DLG2: variants seen among roughly 807,000 people sequenced by gnomAD.
DLG2 encodes discs large MAGUK scaffold protein 2.
In DLG2, 45 loss-of-function variants were observed where a neutral mutation model predicts 132.5. The observed-to-expected ratio is 0.34, with a 90% CI of 0.27 to 0.44. DLG2 has a LOEUF of 0.44. Among genes scored for constraint, DLG2 ranks in the 20% least tolerant of loss-of-function variants. The probability of loss-of-function intolerance (pLI) is 1.00; values close to 1 mark genes in which losing one functional copy is unlikely to be tolerated. For synonymous variants in DLG2, 424 were observed against 419.6 expected (o/e 1.01, Z -0.13); for missense variants, 1,045 against 1,196.9 (o/e 0.87, Z 1.87).
intron 7 of DLG2, among the ~76,000 whole-genome samples, chr11:84,497,477 C>CT (rs1236987026): frequency 1.3e-5 from 2 of 151,926 alleles, no homozygotes; most frequent in Non-Finnish European, 2.9e-5. Context: ...GAAAGACAAT[C>CT]TTTTTTCTAA....
At chr11:85,273,049 A>G (rs1198961936) in intron 4 of DLG2, among the ~76,000 whole-genome samples, 1 of 152,228 alleles carries the variant, frequency 6.6e-6, no homozygotes, top group Non-Finnish European at 1.5e-5. Flanking sequence ...CTGGCTAGCC[A>G]TATGTAGAAA....
At chr11:84,045,792 G>T (rs1014118785) in intron 11 of DLG2, among the ~76,000 whole-genome samples, 2 of 151,466 alleles carry the variant, frequency 1.3e-5, no homozygotes, top group African/African-American at 4.8e-5. Flanking sequence ...AAATGATGAT[G>T]AATCAAGAAT....
At chr11:83,486,807 C>A (rs1422268565) in intron 21 of DLG2, among the ~76,000 whole-genome samples, 1 of 152,008 alleles carries the variant, frequency 6.6e-6, no homozygotes, top group East Asian at 1.9e-4. Flanking sequence ...GACAAAAAAA[C>A]CAAATCACAA....
intron 6 of DLG2, chr11:84,545,407 C>T (rs575833945): frequency 2.0e-6 from 1 of 501,068 alleles, no homozygotes; most frequent in African/African-American, 1.9e-5. Flanking sequence ...CGGCTGCCAC[C>T]AAAGCTACTA....
intron 6 of DLG2, among the ~76,000 whole-genome samples, chr11:84,599,057 C>A (rs1396692708): frequency 6.6e-6 from 1 of 151,986 alleles, no homozygotes; most frequent in African/African-American, 2.4e-5. Flanking sequence ...CCAGCCTGGA[C>A]AACATGGTGA....
Position 83,948,410 on chromosome 11 carries a change from G to C in DLG2, c.1340+14475C>G, listed in dbSNP as rs142081590. 6.0e-3 allele frequency among the ~76,000 whole-genome samples: 912 copies of C among 152,232 alleles called. 4 individuals are homozygous for C. Among genetic ancestry groups the C allele is most frequent in the Middle Eastern group, 0.048 (14 of 294 alleles). ...CCACATGGGGTCTATGTAATGGCCAGAATGACAGGCATTAAGGACTGACTC... is the reference window on the plus strand; with the variant it reads ...CCACATGGGGTCTATGTAATGGCCACAATGACAGGCATTAAGGACTGACTC... On this transcript the variant is annotated intron_variant, in intron 14 of 27. Transcript: ENST00000376104.
chr11:84,874,950 G>A (rs1338002293), intron 6 of DLG2, among the ~76,000 whole-genome samples: 1 of 150,862 alleles, frequency 6.6e-6, no homozygotes, highest in Non-Finnish European at 1.5e-5. Context: ...GAACCGGGAG[G>A]TGGACATTAT....
At chr11:84,574,119 T>C (rs1272352183) in intron 6 of DLG2, among the ~76,000 whole-genome samples, 1 of 152,132 alleles carries the variant, frequency 6.6e-6, no homozygotes, top group African/African-American at 2.4e-5. Context: ...CATGACTCAG[T>C]GTTCCCACTC....
chr11:83,525,350 A>G (rs1196013100), intron 21 of DLG2, among the ~76,000 whole-genome samples: 4 of 152,194 alleles, frequency 2.6e-5, no homozygotes, highest in Non-Finnish European at 5.9e-5. Context: ...AGGTTTGGAT[A>G]GATGTGATTA....
intron 6 of DLG2, among the ~76,000 whole-genome samples, chr11:84,654,191 C>A (rs940734827): frequency 2.0e-5 from 3 of 152,142 alleles, no homozygotes; most frequent in African/African-American, 7.2e-5. Flanking sequence ...TCTTTGTAAC[C>A]CCCATATCCT....
At chr11:83,973,381 A>C (rs1213081550) in intron 12 of DLG2, among the ~76,000 whole-genome samples, 1 of 152,140 alleles carries the variant, frequency 6.6e-6, no homozygotes, top group Non-Finnish European at 1.5e-5. Flanking sequence ...ATGTCATAGC[A>C]ATTACATTGT....
chr11:83,474,651 T>C (rs893725911), intron 22 of DLG2, among the ~76,000 whole-genome samples: 4 of 152,122 alleles, frequency 2.6e-5, no homozygotes, highest in Non-Finnish European at 4.4e-5. Context: ...CAGTGCCCCA[T>C]TGAGTGCTTA....
chr11:83,460,045 C>A (rs1271682915), intron 27 of DLG2, 121 bp from the exon 28 acceptor site: 7 of 564,248 alleles, frequency 1.2e-5, no homozygotes, highest in African/African-American at 5.6e-5. Flanking sequence ...AGCTTCATAT[C>A]ATTTTTCATT....
chr11:85,352,326 G>C (rs1385416953), intron 3 of DLG2, among the ~76,000 whole-genome samples: 2 of 151,994 alleles, frequency 1.3e-5, no homozygotes, highest in Non-Finnish European at 2.9e-5. Context: ...CTAGCTAGTG[G>C]TCTACCTATT....
chr11:83,733,883 G>A (rs1171167655), intron 18 of DLG2, among the ~76,000 whole-genome samples: 1 of 152,122 alleles, frequency 6.6e-6, no homozygotes, highest in Non-Finnish European at 1.5e-5. Context: ...AGTGAATATT[G>A]TACCTATTAA....
intron 7 of DLG2, among the ~76,000 whole-genome samples, chr11:84,288,085 C>A (rs558303625): frequency 6.6e-6 from 1 of 151,976 alleles, no homozygotes; most frequent in East Asian, 1.9e-4. Flanking sequence ...TAGCTATTCA[C>A]TTCACTAAAT....
Position 83,541,878 on chromosome 11 carries a change from A to G in DLG2, c.1941-20T>C. The G allele has an allele frequency of 6.4e-7, 1 of 1,573,578 alleles. No homozygotes were observed. ...ATGGCTCTGGAGGAAAGGACAAAAG[A>G]GGACATTGTTAGGAATCTCTGGCAG... On this transcript the variant is annotated intron_variant, in intron 19 of 27. Coordinates refer to ENST00000376104, the MANE Select transcript of DLG2 (RefSeq NM_001142699.3).
intron 3 of DLG2, among the ~76,000 whole-genome samples, chr11:85,320,699 G>A (rs576849812): frequency 6.6e-6 from 1 of 151,822 alleles, no homozygotes; most frequent in African/African-American, 2.4e-5. Context: ...TTGAAGAAAG[G>A]ATGAAGCAAG....
intron 6 of DLG2, among the ~76,000 whole-genome samples, chr11:84,646,377 T>C (rs1237378246): frequency 1.3e-5 from 2 of 152,198 alleles, no homozygotes; most frequent in Non-Finnish European, 2.9e-5. Flanking sequence ...TGCCAGTTGT[T>C]TATAGAAGCT....
Sources: gnomAD v4.1 joint callset for allele counts (sites outside exome capture counted in the v4.1 genomes callset) on GRCh38, gnomAD v4.1.1 for gene constraint, MANE v1.5 for transcripts, NCBI Gene and HGNC (gene_info 2026-07-23, HGNC 2026-07-21) for gene names.